The following CBX5 variants were observed in gnomAD, a reference collection of about 807,000 sequenced individuals.
The protein encoded by CBX5 is chromobox protein homolog 5.
Under a neutral mutation model 20.7 loss-of-function variants are expected in CBX5, and 7 were observed. That is an observed-to-expected ratio of 0.34 (90% CI 0.19 to 0.63). The LOEUF (loss-of-function observed/expected upper bound fraction) is 0.63. Among genes scored for constraint, CBX5 ranks in the 30% least tolerant of loss-of-function variants. CBX5 has a pLI of 0.75. For synonymous variants in CBX5, 78 were observed against 77.0 expected (o/e 1.01, Z -0.07); for missense variants, 110 against 224.1 (o/e 0.49, Z 3.25).
At chr12:54,251,412 G>A (rs1322938156) in intron 3 of CBX5, among the ~76,000 whole-genome samples, 2 of 151,542 alleles carry the variant, frequency 1.3e-5, no homozygotes, top group Non-Finnish European at 2.9e-5. Context: ...CCAGCTACTC[G>A]GGAGGCTGAG....
At chr12:54,272,647 C>T (rs1409995695) in intron 1 of CBX5, 1 of 152,134 alleles carries the variant, frequency 6.6e-6, no homozygotes, top group Non-Finnish European at 1.5e-5. Context: ...TGTTAATACC[C>T]CAAGGAGTTG....
intron 2 of CBX5, 127 bp downstream of exon 2, chr12:54,257,387 T>G (rs1300134116): frequency 5.7e-6 from 5 of 882,922 alleles, no homozygotes; most frequent in South Asian, 1.7e-5. Flanking sequence ...CTGCTGTGTC[T>G]TCTAACTCTT....
At chr12:54,245,028 T>TA (rs1421269221) in intron 4 of CBX5, among the ~76,000 whole-genome samples, 19 of 151,326 alleles carry the variant, frequency 1.3e-4, no homozygotes, top group Admixed American at 2.6e-4. Context: ...TTTTTTTTTT[T>TA]AGAGACGGAG....
rs545272153 is a variant in CBX5, at chr12:54,236,709, A to C, written c.*5046T>G. On this transcript the variant is annotated 3_prime_UTR_variant, in exon 5 of 5. Transcript: ENST00000209875. ...GGGTTTTTCCTTTAAATTGTGAGAA[A>C]CCATTTCCACATTTCAGATCTAACG... The C allele has an allele frequency of 2.0e-4, 31 of 152,240 alleles. No homozygotes were observed. Among genetic ancestry groups the C allele is most frequent in the Admixed American group, 6.5e-5 (1 of 15,274 alleles). The allele number at this position is 152,240 out of a possible 1,614,324, so 9.4% of individuals were successfully genotyped here.
chr12:54,254,690 T>C (rs1296542478), intron 2 of CBX5, among the ~76,000 whole-genome samples: 1 of 151,810 alleles, frequency 6.6e-6, no homozygotes, highest in African/African-American at 2.4e-5. Flanking sequence ...CCATCTCTAA[T>C]AAAAATACAA....
intron 3 of CBX5, among the ~76,000 whole-genome samples, chr12:54,247,824 C>T (rs1005088810): frequency 1.2e-4 from 18 of 151,554 alleles, no homozygotes; most frequent in Non-Finnish European, 2.4e-4. Context: ...TAGGTGCCTG[C>T]TACCACCCCT....
At chr12:54,259,069 A>G (rs1007256937) in intron 1 of CBX5, among the ~76,000 whole-genome samples, 26 of 152,212 alleles carry the variant, frequency 1.7e-4, no homozygotes, top group African/African-American at 6.3e-4. Context: ...AGTTTTTATT[A>G]AAATACTCTA....
intron 1 of CBX5, among the ~76,000 whole-genome samples, chr12:54,276,280 C>T (rs1486084496): frequency 3.3e-5 from 5 of 152,164 alleles, no homozygotes; most frequent in Non-Finnish European, 5.9e-5. Context: ...ATTGAAAATT[C>T]ATTTCCTACA....
At position 54,252,242 on chromosome 12, in the gene CBX5, T is replaced by C; in HGVS notation, c.138-15A>G. On this transcript the variant is annotated splice_polypyrimidine_tract_variant and intron_variant, in intron 2 of 4. Transcript: ENST00000209875. ...TATTGTGCTCCCTGGGTAAGAAAAATGGGAAAATTAAAAAAAAAAGGGGGG... is the reference window on the plus strand; with the variant it reads ...TATTGTGCTCCCTGGGTAAGAAAAACGGGAAAATTAAAAAAAAAAGGGGGG... 1 of 1,494,556 alleles carries C rather than the reference T, an allele frequency of 6.7e-7. No homozygotes were observed. The highest frequency in any genetic ancestry group is 1.3e-5 in the South Asian group (1 of 74,592). The allele number at this position is 1,494,556 out of a possible 1,614,324, so 92.6% of individuals were successfully genotyped here. A position where few individuals can be genotyped will look rare whatever the true frequency, so the allele number is the denominator to read the frequency against.
chr12:54,243,569 T>A (rs1048599953), intron 4 of CBX5, among the ~76,000 whole-genome samples: 9 of 140,252 alleles, frequency 6.4e-5, no homozygotes, highest in African/African-American at 2.4e-4. Flanking sequence ...TAAAATAAAA[T>A]TTTTAAAAAG....
At chr12:54,262,755 A>T (rs186322649) in intron 1 of CBX5, 3 of 152,714 alleles carry the variant, frequency 2.0e-5, no homozygotes, top group Admixed American at 2.0e-4. Flanking sequence ...CCTAGACCAG[A>T]TAAAGCATCA....
intron 1 of CBX5, among the ~76,000 whole-genome samples, chr12:54,269,444 G>A (rs573958366): frequency 1.3e-5 from 2 of 151,808 alleles, no homozygotes; most frequent in Non-Finnish European, 2.9e-5. Flanking sequence ...GCTGGAGTGC[G>A]GTGGTGCAAT....
chr12:54,276,305 C>T (rs1306047192), intron 1 of CBX5, among the ~76,000 whole-genome samples: 3 of 152,170 alleles, frequency 2.0e-5, no homozygotes, highest in African/African-American at 7.2e-5. Flanking sequence ...ATCTACTGAA[C>T]ATCATAGCTT....
intron 4 of CBX5, among the ~76,000 whole-genome samples, chr12:54,245,236 C>A (rs894003142): frequency 1.3e-5 from 2 of 151,934 alleles, no homozygotes; most frequent in African/African-American, 4.8e-5. Flanking sequence ...GCCTCGAACT[C>A]CTGACCCCAA....
chr12:54,249,550 C>T (rs1943772515), intron 3 of CBX5, among the ~76,000 whole-genome samples: 1 of 151,770 alleles, frequency 6.6e-6, no homozygotes, highest in African/African-American at 2.4e-5. Flanking sequence ...GTGGCAGCTA[C>T]TCTGGAAGGC....
intron 2 of CBX5, among the ~76,000 whole-genome samples, chr12:54,256,290 AC>A (rs1265667024): frequency 6.6e-6 from 1 of 152,178 alleles, no homozygotes; most frequent in Non-Finnish European, 1.5e-5. Context: ...AAGCTGTGAT[AC>A]CACTCCTCTC....
At chr12:54,256,807 CT>C (rs1943866427) in intron 2 of CBX5, among the ~76,000 whole-genome samples, 1 of 152,116 alleles carries the variant, frequency 6.6e-6, no homozygotes, top group Admixed American at 6.5e-5. Context: ...AATCCCAGCA[CT>C]TTGGGAGGCC....
chr12:54,263,253 T>C (rs1399106846), intron 1 of CBX5, among the ~76,000 whole-genome samples: 2 of 150,974 alleles, frequency 1.3e-5, no homozygotes, highest in Non-Finnish European at 3.0e-5. Flanking sequence ...CTCAGCTACT[T>C]GGGAGGCTGA....
chr12:54,250,347 G>A (rs925205557), intron 3 of CBX5, among the ~76,000 whole-genome samples: 2 of 152,136 alleles, frequency 1.3e-5, no homozygotes, highest in South Asian at 2.1e-4. Flanking sequence ...GGAGGTGAGG[G>A]TGCAGTAAGC....
Sources: gnomAD v4.1 joint callset for allele counts (sites outside exome capture counted in the v4.1 genomes callset) on GRCh38, gnomAD v4.1.1 for gene constraint, MANE v1.5 for transcripts, NCBI Gene and HGNC (gene_info 2026-07-23, HGNC 2026-07-21) for gene names.